The following PGCKA1 variants were observed in gnomAD, a reference collection of about 807,000 sequenced individuals.
The protein encoded by PGCKA1 is PDCD10 and GCKIII kinases-associated protein 1.
At chr4:37,456,318 C>T in the PGCKA1 span, among the ~76,000 whole-genome samples, 1 of 152,178 alleles carries the variant, frequency 6.6e-6, no homozygotes, top group Admixed American at 6.5e-5. Context: ...TGAAATCGCT[C>T]ATCTACTTGT....
chr4:37,480,317 A>C, the PGCKA1 span, among the ~76,000 whole-genome samples: 3 of 152,252 alleles, frequency 2.0e-5, no homozygotes, highest in East Asian at 1.9e-4. Context: ...ACATAGTGAA[A>C]CCTCGTCTCT....
the PGCKA1 span, among the ~76,000 whole-genome samples, chr4:37,572,210 C>A: frequency 6.6e-6 from 1 of 151,174 alleles, no homozygotes; most frequent in Admixed American, 6.6e-5. Flanking sequence ...CTACAGGCGC[C>A]CGCCACTACG....
chr4:37,493,052 A>C, the PGCKA1 span, among the ~76,000 whole-genome samples: 1 of 152,032 alleles, frequency 6.6e-6, no homozygotes, highest in Non-Finnish European at 1.5e-5. Flanking sequence ...ATGTGTATAG[A>C]TATATATATG....
the PGCKA1 span, among the ~76,000 whole-genome samples, chr4:37,470,140 G>A: frequency 6.6e-6 from 1 of 152,090 alleles, no homozygotes; most frequent in Non-Finnish European, 1.5e-5. Flanking sequence ...GCTACTACCG[G>A]GGAACTTGTT....
the PGCKA1 span, among the ~76,000 whole-genome samples, chr4:37,523,448 T>C: frequency 6.6e-6 from 1 of 152,164 alleles, no homozygotes; most frequent in Non-Finnish European, 1.5e-5. Context: ...AACCAGGTAC[T>C]ATGAGGGCAC....
chr4:37,455,827 T>C, the PGCKA1 span, among the ~76,000 whole-genome samples: 1 of 152,182 alleles, frequency 6.6e-6, no homozygotes, highest in African/African-American at 2.4e-5. Context: ...CCTTTCCTCC[T>C]AGAACAGCCC....
chr4:37,535,101 G>A, the PGCKA1 span, among the ~76,000 whole-genome samples: 17 of 152,294 alleles, frequency 1.1e-4, no homozygotes, highest in East Asian at 3.9e-4. Flanking sequence ...GGTACTTTCC[G>A]GAAGAGGCCA....
the PGCKA1 span, among the ~76,000 whole-genome samples, chr4:37,538,067 T>TCACACACACACACACA: frequency 5.5e-4 from 82 of 150,216 alleles, no homozygotes; most frequent in African/African-American, 1.9e-3. Context: ...CACAACCCTG[T>TCACACACACACACACA]CACACACACA....
chr4:37,568,911 A>G, the PGCKA1 span, among the ~76,000 whole-genome samples: 9 of 152,168 alleles, frequency 5.9e-5, no homozygotes, highest in East Asian at 1.4e-3. Context: ...GCAACAAGAC[A>G]AAATCCCATC....
At chr4:37,543,411 C>A in the PGCKA1 span, among the ~76,000 whole-genome samples, 9 of 152,268 alleles carry the variant, frequency 5.9e-5, no homozygotes, top group East Asian at 1.4e-3. Flanking sequence ...TGTTTTTCTG[C>A]AGGTAGCAAA....
At chr4:37,564,776 G>A in the PGCKA1 span, among the ~76,000 whole-genome samples, 2 of 152,132 alleles carry the variant, frequency 1.3e-5, no homozygotes, top group Admixed American at 1.3e-4. Flanking sequence ...CAAAGTGCTG[G>A]GATTAAAGGT....
chr4:37,454,711 T>G, the PGCKA1 span, among the ~76,000 whole-genome samples: 3 of 152,234 alleles, frequency 2.0e-5, no homozygotes, highest in Non-Finnish European at 2.9e-5. Flanking sequence ...TTACTTAGGT[T>G]GCATTGACCT....
At chr4:37,516,727 A>C in the PGCKA1 span, among the ~76,000 whole-genome samples, 1 of 152,198 alleles carries the variant, frequency 6.6e-6, no homozygotes, top group African/African-American at 2.4e-5. Context: ...AGTTCCATGC[A>C]TTTAAAATTC....
chr4:37,587,172 T>C, the PGCKA1 span, among the ~76,000 whole-genome samples: 16 of 152,278 alleles, frequency 1.1e-4, no homozygotes, highest in Admixed American at 5.9e-4. Flanking sequence ...CTCTTCCTCT[T>C]CTGTCTATAA....
chr4:37,498,415 G>T, the PGCKA1 span, among the ~76,000 whole-genome samples: 1 of 152,062 alleles, frequency 6.6e-6, no homozygotes, highest in African/African-American at 2.4e-5. Flanking sequence ...ATGAATTTTA[G>T]AATTGTTTTT....
the PGCKA1 span, among the ~76,000 whole-genome samples, chr4:37,592,862 A>G: frequency 6.6e-6 from 1 of 152,254 alleles, no homozygotes; most frequent in Non-Finnish European, 1.5e-5. Context: ...TTCCTTTAAC[A>G]AACATTTTTA....
At chr4:37,585,784 G>C in the PGCKA1 span, among the ~76,000 whole-genome samples, 1 of 152,016 alleles carries the variant, frequency 6.6e-6, no homozygotes, top group African/African-American at 2.4e-5. Flanking sequence ...GGTAGTTTAA[G>C]AGTATTCTGA....
the PGCKA1 span, among the ~76,000 whole-genome samples, chr4:37,472,601 G>A: frequency 4.6e-5 from 7 of 152,174 alleles, no homozygotes; most frequent in East Asian, 1.2e-3. Flanking sequence ...TTTGGTTTTA[G>A]TCCACATCGT....
the PGCKA1 span, among the ~76,000 whole-genome samples, chr4:37,545,507 C>T: frequency 2.6e-5 from 4 of 152,228 alleles, no homozygotes; most frequent in Non-Finnish European, 5.9e-5. Context: ...CTCCATAATT[C>T]ACTCTTACTT....
Sources: allele counts gnomAD v4.1 joint callset (sites outside exome capture counted in the v4.1 genomes callset), GRCh38; gene constraint gnomAD v4.1.1; transcripts MANE v1.5; gene names NCBI Gene and HGNC (gene_info 2026-07-23, HGNC 2026-07-21).